The following ADAMTSL1 variants were observed in gnomAD, a reference collection of about 807,000 sequenced individuals.
ADAMTSL1 encodes the protein ADAMTS-like protein 1.
Under a neutral mutation model 201.8 loss-of-function variants are expected in ADAMTSL1, and 126 were observed. The ratio of observed to expected loss-of-function variants is 0.62; its 90% CI spans 0.54 to 0.72. ADAMTSL1 has a LOEUF of 0.72. Among genes scored for constraint, ADAMTSL1 ranks in the 30% least tolerant of loss-of-function variants. The pLI, the probability that ADAMTSL1 is intolerant of heterozygous loss-of-function variation, is 0.00. For missense variants in ADAMTSL1, 2,679 were observed against 2,277.8 expected, an observed-to-expected ratio of 1.18 and a Z score of -3.59; for synonymous variants, 1,121 against 903.4, an observed-to-expected ratio of 1.24 and a Z score of -4.32.
chr9:18,120,831 A>G (rs1825464397), intron 1 of ADAMTSL1, among the ~76,000 whole-genome samples: 1 of 152,122 alleles, frequency 6.6e-6, no homozygotes, highest in African/African-American at 2.4e-5. Context: ...ATACCCTGAA[A>G]ATTAATTATG....
At chr9:18,786,564 G>A (rs906069059) in intron 19 of ADAMTSL1, among the ~76,000 whole-genome samples, 2 of 152,142 alleles carry the variant, frequency 1.3e-5, no homozygotes, top group African/African-American at 4.8e-5. Flanking sequence ...TGTCTGTAAC[G>A]TGCCTGACAC....
intron 1 of ADAMTSL1, among the ~76,000 whole-genome samples, chr9:18,040,956 A>G (rs537937584): frequency 1.2e-4 from 18 of 152,316 alleles, no homozygotes; most frequent in Non-Finnish European, 2.4e-4. Flanking sequence ...TAAAAAATAT[A>G]TTTTAATGAA....
intron 20 of ADAMTSL1, among the ~76,000 whole-genome samples, chr9:18,814,943 G>C (rs1823737775): frequency 1.3e-5 from 2 of 151,946 alleles, no homozygotes; most frequent in African/African-American, 4.8e-5. Flanking sequence ...ATGGCCAACA[G>C]GCATATGAAA....
chr9:18,798,711 G>C (rs1194967924), intron 20 of ADAMTSL1, among the ~76,000 whole-genome samples: 1 of 152,210 alleles, frequency 6.6e-6, no homozygotes, highest in Non-Finnish European at 1.5e-5. Context: ...GCAACAGAGA[G>C]AGACGCCTGA....
chr9:18,571,571 A>G (rs1259302269), intron 3 of ADAMTSL1, among the ~76,000 whole-genome samples: 5 of 152,226 alleles, frequency 3.3e-5, no homozygotes, highest in Non-Finnish European at 5.9e-5. Context: ...AGACGCTCCC[A>G]TTCAATGACC....
chr9:18,889,547 C>T (rs747161987), intron 24 of ADAMTSL1, 21 bp from the exon 25 acceptor site: 1 of 1,612,290 alleles, frequency 6.2e-7, no homozygotes, highest in South Asian at 1.1e-5. Context: ...CTTTTCTACA[C>T]TGCTCCTCCT....
intron 28 of ADAMTSL1, chr9:18,907,149 G>A: frequency 3.7e-6 from 2 of 538,052 alleles, no homozygotes; most frequent in South Asian, 4.6e-5. Flanking sequence ...CCCTGAGAGA[G>A]CCAGGTGCTA....
chr9:18,616,512 C>T (rs922557519), intron 4 of ADAMTSL1, among the ~76,000 whole-genome samples: 6 of 152,106 alleles, frequency 3.9e-5, no homozygotes, highest in African/African-American at 9.7e-5. Context: ...ATGGTGCTCC[C>T]GAGTGGTTTT....
intron 2 of ADAMTSL1, among the ~76,000 whole-genome samples, chr9:18,466,195 C>G (rs1308349589): frequency 6.6e-6 from 1 of 152,138 alleles, no homozygotes; most frequent in Non-Finnish European, 1.5e-5. Context: ...TGGATTTTAA[C>G]TTCTAGGAAA....
rs148950834 is a variant in ADAMTSL1, at chr9:18,490,576, A to T, written c.64-14253A>T. Among the ~76,000 whole-genome samples, 177 of 152,238 alleles carry T rather than the reference A, an allele frequency of 1.2e-3. 1 individual carries two copies. Among genetic ancestry groups the T allele is most frequent in the African/African-American group, 4.0e-3 (168 of 41,542 alleles). ...AGACGTAGATTTGTAAATCACATGC[A>T]AGGAGAAGACAACTCAAGTGAGGAA... On this transcript the variant is annotated intron_variant, in intron 1 of 28. Transcript: ENST00000380548.
intron 9 of ADAMTSL1, among the ~76,000 whole-genome samples, chr9:18,674,995 T>G (rs1333467479): frequency 3.9e-5 from 5 of 126,692 alleles, no homozygotes; most frequent in Non-Finnish European, 8.9e-5. Flanking sequence ...GTGAAGTAGG[T>G]CAGAGTAGTT....
chr9:18,233,520 C>T (rs1830725016), intron 2 of ADAMTSL1, among the ~76,000 whole-genome samples: 2 of 151,946 alleles, frequency 1.3e-5, no homozygotes, highest in Admixed American at 1.3e-4. Context: ...TGCTGTATGC[C>T]AGGTAGTTAT....
Position 18,908,475 on chromosome 9 carries a change from A to G in ADAMTSL1, c.5216A>G (p.Lys1739Arg). The G allele has an allele frequency of 1.3e-6, 2 of 1,563,296 alleles. No homozygotes were observed. The highest frequency in any genetic ancestry group is 1.2e-5 in the South Asian group (1 of 84,504). The change falls in exon 29 of 29, where the codon AAG becomes AGG. Residue 1739 changes from lysine to arginine, a missense_variant. By Grantham distance (26) the Lys-to-Arg change is conservative. Transcript: ENST00000380548. The stretch of plus-strand genomic sequence containing the variant: ...AGAGACACCACCAGGTACTGCGAGA[A>G]GGTGAAACAGCTGAAACTCTGCCAA... ...ECRDTTRYCE[K>R]VKQLKLCQLS...
chr9:18,780,604 C>T (rs1821339227), intron 19 of ADAMTSL1, among the ~76,000 whole-genome samples: 1 of 152,020 alleles, frequency 6.6e-6, no homozygotes, highest in Admixed American at 6.5e-5. Flanking sequence ...CTCCCTCTTC[C>T]CCCCAATGCT....
chr9:18,811,026 A>G (rs931149032), intron 20 of ADAMTSL1, among the ~76,000 whole-genome samples: 1 of 149,992 alleles, frequency 6.7e-6, no homozygotes, highest in African/African-American at 2.4e-5. Context: ...AAAAAAAAAA[A>G]AAAAAAAAAC....
intron 2 of ADAMTSL1, among the ~76,000 whole-genome samples, chr9:18,318,657 T>A (rs1003489409): frequency 1.3e-5 from 2 of 152,034 alleles, no homozygotes; most frequent in Non-Finnish European, 2.9e-5. Flanking sequence ...AAGGAGCTGA[T>A]ATGATTGGAA....
intron 21 of ADAMTSL1, among the ~76,000 whole-genome samples, chr9:18,821,122 T>C (rs532655641): frequency 6.6e-6 from 1 of 152,312 alleles, no homozygotes; most frequent in South Asian, 2.1e-4. Flanking sequence ...ACTTAGGAGA[T>C]AAAATCAGCA....
chr9:18,437,247 T>G (rs1394159937), intron 2 of ADAMTSL1, among the ~76,000 whole-genome samples: 1 of 152,142 alleles, frequency 6.6e-6, no homozygotes, highest in Non-Finnish European at 1.5e-5. Context: ...CTACCTAGGC[T>G]GCCAGAGCAG....
intron 2 of ADAMTSL1, among the ~76,000 whole-genome samples, chr9:18,384,279 G>A (rs1260018518): frequency 2.0e-5 from 3 of 152,022 alleles, no homozygotes; most frequent in Non-Finnish European, 4.4e-5. Context: ...AGGGGGAAGT[G>A]CCACACACTT....
Sources: gnomAD v4.1 joint callset for allele counts (sites outside exome capture counted in the v4.1 genomes callset) on GRCh38, gnomAD v4.1.1 for gene constraint, MANE v1.5 for transcripts, NCBI Gene and HGNC (gene_info 2026-07-23, HGNC 2026-07-21) for gene names.